Variants in SUCO observed in about 807,000 individuals in gnomAD.
The protein encoded by SUCO is SUN domain-containing ossification factor.
SUCO carries 57 observed loss-of-function variants against 148.1 expected under a neutral mutation model. That is an observed-to-expected ratio of 0.38 (90% CI 0.31 to 0.48). SUCO has a LOEUF of 0.48. SUCO is among the 20% of genes least tolerant of loss of function. The pLI is 0.96. For synonymous variants in SUCO, 470 were observed against 502.7 expected (o/e 0.93, Z 0.87); for missense variants, 1,331 against 1,468.2 (o/e 0.91, Z 1.53).
rs377627786 is a variant in SUCO at position 172,589,389 on chromosome 1, C to T, written c.2288C>T (p.Pro763Leu). ...TATGAGGCAGGACATATACCATCAC[C>T]AGTGATTCCCCAAGAGAGTTCTGTT... ...VEYEAGHIPS[P>L]VIPQESSVEI... is the part of the protein sequence containing the mutation. Residue 763 changes from proline (P) to leucine (L), a missense_variant, in exon 18 of 24, where the codon CCA becomes CTA. Pro to Leu is a moderately conservative substitution (Grantham distance 98). Coordinates refer to ENST00000263688, the MANE Select transcript of SUCO (RefSeq NM_014283.5). 7 of 1,613,722 alleles carry T rather than the reference C, an allele frequency of 4.3e-6. No individual in the cohort carries two copies. The African/African-American group carries it at 6.7e-5, about 15-fold the overall frequency.
chr1:172,577,831 C>A lies in SUCO; in HGVS notation c.1340+12C>A, dbSNP rs1191713914. 8 of 1,587,952 alleles carry A rather than the reference C, an allele frequency of 5.0e-6. No individual in the cohort carries two copies. Among genetic ancestry groups the A allele is most frequent in the Non-Finnish European group, 6.0e-6 (7 of 1,165,936 alleles). On this transcript the variant is annotated intron_variant, in intron 13 of 23. Coordinates refer to ENST00000263688, the MANE Select transcript of SUCO (RefSeq NM_014283.5). ...TTAAGCCTTATAAGGTAATGCAGAACAAAATACATTTATTGAGTTTTTAAA... is the reference window on the plus strand; with the variant it reads ...TTAAGCCTTATAAGGTAATGCAGAAAAAAATACATTTATTGAGTTTTTAAA...
chr1:172,601,961 T>G, intron 20 of SUCO, 103 bp from the exon 21 acceptor site: 1 of 1,223,342 alleles, frequency 8.2e-7, no homozygotes, highest in Non-Finnish European at 1.1e-6. Flanking sequence ...TGAAGCACAT[T>G]AAAAAAATAC....
chr1:172,549,911 A>T (rs1192785693), intron 1 of SUCO, among the ~76,000 whole-genome samples: 3 of 151,960 alleles, frequency 2.0e-5, no homozygotes, highest in African/African-American at 7.2e-5. Context: ...AAAAATAGAA[A>T]TACAGTTTCT....
At chr1:172,592,148 T>C (rs1432381796) in intron 19 of SUCO, among the ~76,000 whole-genome samples, 2 of 152,224 alleles carry the variant, frequency 1.3e-5, no homozygotes, top group Non-Finnish European at 2.9e-5. Flanking sequence ...TCTTGTAAAT[T>C]TCAGTTCTTC....
At position 172,546,707 on chromosome 1, in the gene SUCO, G is replaced by A. The variant is rs1652887969; in HGVS notation, c.63-4805G>A. On this transcript the variant is annotated intron_variant, in intron 1 of 23. Transcript: ENST00000263688. ...GTGGATCACTTGACCCCAGGAGTTC[G>A]AGACTAGCCTGGGCAACATGGCAAA... 1.3e-5 allele frequency among the ~76,000 whole-genome samples: 2 copies of A among 152,274 alleles called. 1 individual carries two copies. Among genetic ancestry groups the A allele is most frequent in the South Asian group, 4.1e-4 (2 of 4,828 alleles).
At chr1:172,564,661 A>C (rs1654429664) in intron 6 of SUCO, among the ~76,000 whole-genome samples, 1 of 151,662 alleles carries the variant, frequency 6.6e-6, no homozygotes, top group Non-Finnish European at 1.5e-5. Context: ...CAGCAATGTG[A>C]GAATGGACTA....
chr1:172,544,204 A>C (rs1652703018), intron 1 of SUCO: 5 of 857,820 alleles, frequency 5.8e-6, no homozygotes, highest in Non-Finnish European at 7.0e-6. Context: ...CTTTGAATTT[A>C]TGTTTAAGAA....
At chr1:172,566,484 G>T (rs554596325) in intron 6 of SUCO, among the ~76,000 whole-genome samples, 29 of 152,336 alleles carry the variant, frequency 1.9e-4, no homozygotes, top group African/African-American at 6.5e-4. Context: ...GCCCAGGAAG[G>T]TTCTTGGCTT....
chr1:172,578,524 C>G (rs1327245203), intron 14 of SUCO, 135 bp downstream of exon 14: 5 of 1,373,316 alleles, frequency 3.6e-6, no homozygotes, highest in Non-Finnish European at 4.7e-6. Flanking sequence ...GTTTTTAACT[C>G]TAATCAACTT....
intron 19 of SUCO, among the ~76,000 whole-genome samples, chr1:172,599,039 A>G (rs530319380): frequency 6.6e-6 from 1 of 152,232 alleles, no homozygotes; most frequent in South Asian, 2.1e-4. Flanking sequence ...TAGATATTTC[A>G]TATAAGGTCC....
In SUCO at chr1:172,589,605, A is replaced by G. The variant is rs759451892; in HGVS notation, c.2504A>G (p.Asp835Gly). ...VPPINTATVP[D>G]NEDGEAKMNI... ...CCAATAAATACAGCCACTGTACCCGACAATGAAGATGGGGAAGCCAAAATG... is the reference window on the plus strand; with the variant it reads ...CCAATAAATACAGCCACTGTACCCGGCAATGAAGATGGGGAAGCCAAAATG... The change falls in exon 18 of 24, where the codon GAC becomes GGC. Residue 835 changes from aspartate to glycine, a missense_variant. This residue lies in a region of SUCO where 992 missense variants were observed against 1,093.5 expected (regional missense o/e 0.91). Coordinates refer to ENST00000263688, the MANE Select transcript of SUCO (RefSeq NM_014283.5). 1 of 1,613,930 alleles carries G rather than the reference A, an allele frequency of 6.2e-7. No homozygotes were observed. The highest frequency in any genetic ancestry group is 8.5e-7 in the Non-Finnish European group (1 of 1,179,908).
intron 1 of SUCO, among the ~76,000 whole-genome samples, chr1:172,547,141 T>C (rs1396103353): frequency 6.6e-6 from 1 of 152,252 alleles, no homozygotes; most frequent in East Asian, 1.9e-4. Flanking sequence ...TAAATGGAGT[T>C]ATACAGTATT....
chr1:172,562,900 C>T (rs1398607227), intron 6 of SUCO, among the ~76,000 whole-genome samples: 2 of 152,140 alleles, frequency 1.3e-5, no homozygotes, highest in Non-Finnish European at 2.9e-5. Flanking sequence ...TGGAATTTCC[C>T]CTTGCTGTTC....
chr1:172,575,397 A>G, intron 10 of SUCO, 121 bp from the exon 11 acceptor site: 1 of 628,810 alleles, frequency 1.6e-6, no homozygotes. Flanking sequence ...TTTATGTATT[A>G]AACTGTTAAG....
chr1:172,574,701 C>G (rs774581900), intron 10 of SUCO: 1 of 156,206 alleles, frequency 6.4e-6, no homozygotes, highest in African/African-American at 2.4e-5. Context: ...GAAATCATTT[C>G]ATAAATACTT....
At chr1:172,568,305 T>TTA in intron 6 of SUCO, 44 of 905,838 alleles carry the variant, frequency 4.9e-5, no homozygotes, top group Non-Finnish European at 5.3e-5. Context: ...ATTCTTTGCT[T>TTA]CCCACCCACC....
chr1:172,556,243 T>G (rs1213898467), intron 4 of SUCO, among the ~76,000 whole-genome samples: 1 of 152,202 alleles, frequency 6.6e-6, no homozygotes, highest in Non-Finnish European at 1.5e-5. Flanking sequence ...ACTAACTCAA[T>G]GAAGCTGATA....
intron 1 of SUCO, among the ~76,000 whole-genome samples, chr1:172,544,660 G>T (rs1434955876): frequency 6.6e-6 from 1 of 152,222 alleles, no homozygotes; most frequent in Non-Finnish European, 1.5e-5. Flanking sequence ...AGCACAGTCT[G>T]TGTTCAAGGA....
At chr1:172,555,350 T>A (rs1653654848) in intron 3 of SUCO, 1 of 983,482 alleles carries the variant, frequency 1.0e-6, no homozygotes, top group Non-Finnish European at 1.2e-6. Context: ...GAACAGGTGT[T>A]AGGTAGATTT....
Sources: gnomAD v4.1 joint callset for allele counts (sites outside exome capture counted in the v4.1 genomes callset) on GRCh38, gnomAD v4.1.1 for gene constraint, gnomAD v4.1.1 regional missense constraint, MANE v1.5 for transcripts, NCBI Gene and HGNC (gene_info 2026-07-23, HGNC 2026-07-21) for gene names.